The following NBEA variants were observed in gnomAD, a reference collection of about 807,000 sequenced individuals.
NBEA encodes lysosomal-trafficking regulator 2.
In NBEA, 44 loss-of-function variants were observed where a neutral mutation model predicts 343.4. That is an observed-to-expected ratio of 0.13 (90% CI 0.10 to 0.16). The LOEUF (loss-of-function observed/expected upper bound fraction) is 0.16, where lower values mean the gene tolerates loss of function less well. Ranked by LOEUF, NBEA falls within the 10% of genes least tolerant of loss-of-function variation. The pLI is 1.00. For synonymous variants in NBEA, 1,175 were observed against 1,238.7 expected, an observed-to-expected ratio of 0.95 and a Z score of 1.08; for missense variants, 2,555 against 3,631.3, an observed-to-expected ratio of 0.70 and a Z score of 7.62.
chr13:35,121,055 T>C (rs2066769185), intron 16 of NBEA, among the ~76,000 whole-genome samples: 1 of 152,188 alleles, frequency 6.6e-6, no homozygotes. Context: ...CTGTGAGAAC[T>C]TCCAGTTCTA....
chr13:35,080,460 C>T (rs544196394), intron 10 of NBEA, among the ~76,000 whole-genome samples: 2 of 152,234 alleles, frequency 1.3e-5, no homozygotes, highest in African/African-American at 2.4e-5. Context: ...TGAGCAAAAC[C>T]TCTGCCTTTA....
Position 35,333,338 on chromosome 13 carries a change from T to A in NBEA, c.5904-15770T>A, listed in dbSNP as rs569431906. On this transcript the variant is annotated intron_variant, in intron 36 of 58. Transcript: ENST00000379939. Reference sequence around the variant, plus strand: ...TAAAATACAAGTTGGAAAAAAGATGTTTATTGATGATTCATCAGATTAGAC... The same window carrying A: ...TAAAATACAAGTTGGAAAAAAGATGATTATTGATGATTCATCAGATTAGAC... Among the ~76,000 whole-genome samples the A allele has an allele frequency of 2.6e-5, 4 of 152,240 alleles. No individual in the cohort carries two copies. In the East Asian group the frequency reaches 7.7e-4, roughly 29 times the overall value.
chr13:35,377,817 T>G (rs1409558577), intron 38 of NBEA, among the ~76,000 whole-genome samples: 1 of 152,222 alleles, frequency 6.6e-6, no homozygotes, highest in Non-Finnish European at 1.5e-5. Context: ...CTGTTATCCC[T>G]GTCTCTCATT....
intron 30 of NBEA, among the ~76,000 whole-genome samples, chr13:35,192,290 T>C (rs935496706): frequency 4.6e-5 from 7 of 151,968 alleles, no homozygotes; most frequent in African/African-American, 1.7e-4. Context: ...TAAGTTGAAG[T>C]TTATGGTATC....
chr13:35,169,577 T>C (rs536717756), intron 25 of NBEA, among the ~76,000 whole-genome samples: 1 of 151,712 alleles, frequency 6.6e-6, no homozygotes, highest in Admixed American at 6.6e-5. Flanking sequence ...AACCATTAAA[T>C]AATGAATATA....
chr13:35,274,907 TATC>T lies in NBEA; in HGVS notation c.5777-15479_5777-15477del, dbSNP rs1178655202. On this transcript the variant is annotated intron_variant, in intron 34 of 58. Coordinates refer to ENST00000379939, the MANE Select transcript of NBEA (RefSeq NM_001385012.1). Reference sequence around the variant, plus strand: ...CATGCTCATGGACATGAAGAATCAATATCATGAAAATGGCCATACTGCCTAAGG... The same window carrying T: ...CATGCTCATGGACATGAAGAATCAATATGAAAATGGCCATACTGCCTAAGG... 2.0e-5 allele frequency among the ~76,000 whole-genome samples: 3 copies of T among 152,260 alleles called. No individual in the cohort carries two copies. The East Asian group carries it at 5.8e-4, about 29-fold the overall frequency.
chr13:35,428,913 G>C (rs1217507762), intron 38 of NBEA, among the ~76,000 whole-genome samples: 1 of 152,214 alleles, frequency 6.6e-6, no homozygotes, highest in East Asian at 1.9e-4. Flanking sequence ...GATGGTGGTA[G>C]AAATCTAAGT....
At chr13:35,420,473 G>C (rs1037939014) in intron 38 of NBEA, among the ~76,000 whole-genome samples, 1 of 151,836 alleles carries the variant, frequency 6.6e-6, no homozygotes, top group East Asian at 1.9e-4. Context: ...TTGGTCTGTA[G>C]TTTTCTTTTT....
intron 41 of NBEA, among the ~76,000 whole-genome samples, chr13:35,525,272 C>T (rs576955316): frequency 6.6e-6 from 1 of 152,230 alleles, no homozygotes; most frequent in East Asian, 1.9e-4. Flanking sequence ...AAATTTGAGG[C>T]CAGGTGCGGT....
rs187700209 is a variant in NBEA, at chr13:34,953,331, T to A, written c.294+10217T>A. Among the ~76,000 whole-genome samples the A allele has an allele frequency of 2.7e-5, 4 of 150,854 alleles. No homozygotes were observed. In the East Asian group the frequency reaches 7.7e-4, roughly 29 times the overall value. On this transcript the variant is annotated intron_variant, in intron 1 of 58. Transcript: ENST00000379939. Reference sequence around the variant, plus strand: ...TGATCCCCCTTTCAAAGTCCTTGACTTTAAATGAAGTATTTAAATTTTTTT... The same window carrying A: ...TGATCCCCCTTTCAAAGTCCTTGACATTAAATGAAGTATTTAAATTTTTTT...
At chr13:35,140,166 A>G (rs542623661) in intron 17 of NBEA, among the ~76,000 whole-genome samples, 50 of 150,646 alleles carry the variant, frequency 3.3e-4, no homozygotes, top group African/African-American at 1.2e-3. Flanking sequence ...GCCTGCCACT[A>G]TGCCCAGCTA....
At chr13:35,124,681 C>CATGTATGGATATATATACACACATAT (rs1566324277) in intron 17 of NBEA, among the ~76,000 whole-genome samples, 3 of 150,310 alleles carry the variant, frequency 2.0e-5, no homozygotes, top group Admixed American at 6.6e-5. Context: ...TATATATACA[C>CATGTATGGATATATATACACACATAT]ATGTATGGAT....
At chr13:35,487,927 T>C (rs1053062767) in intron 41 of NBEA, among the ~76,000 whole-genome samples, 1 of 151,854 alleles carries the variant, frequency 6.6e-6, no homozygotes, top group African/African-American at 2.4e-5. Flanking sequence ...AATGGATTGG[T>C]ACATGTAAAG....
chr13:35,192,773 G>A (rs1168002097), intron 30 of NBEA, among the ~76,000 whole-genome samples: 2 of 151,890 alleles, frequency 1.3e-5, no homozygotes, highest in Non-Finnish European at 2.9e-5. Context: ...TTTTGATGTG[G>A]TAGCTTGTGA....
intron 38 of NBEA, among the ~76,000 whole-genome samples, chr13:35,402,950 T>C (rs2043066826): frequency 6.6e-6 from 1 of 152,076 alleles, no homozygotes; most frequent in East Asian, 1.9e-4. Flanking sequence ...TAAAAAGTGA[T>C]GCTTTTAGTT....
At chr13:35,609,359 G>C (rs1416022052) in intron 48 of NBEA, among the ~76,000 whole-genome samples, 2 of 152,228 alleles carry the variant, frequency 1.3e-5, no homozygotes, top group East Asian at 1.9e-4. Flanking sequence ...ATTCCATTCA[G>C]TGTACAGATA....
At chr13:35,594,980 CACACACACACAA>C (rs1168137457) in intron 47 of NBEA, among the ~76,000 whole-genome samples, 20 of 151,346 alleles carry the variant, frequency 1.3e-4, no homozygotes, top group African/African-American at 2.9e-4. Flanking sequence ...CACACACACA[CACACACACACAA>C]ATTGGCTTTT....
chr13:35,371,313 T>C (rs555049042), intron 38 of NBEA, among the ~76,000 whole-genome samples: 180 of 152,140 alleles, frequency 1.2e-3, no homozygotes, highest in Non-Finnish European at 7.9e-4. Flanking sequence ...ATATTCTTTT[T>C]TCTTTATTAT....
In NBEA at chr13:35,009,987, C is replaced by T. The variant is rs796469770; in HGVS notation, c.295-30946C>T. 3.9e-5 allele frequency among the ~76,000 whole-genome samples: 6 copies of T among 152,072 alleles called. No individual in the cohort carries two copies. In the East Asian group the frequency reaches 7.7e-4, roughly 20 times the overall value. On this transcript the variant is annotated intron_variant, in intron 1 of 58. Coordinates refer to ENST00000379939, the MANE Select transcript of NBEA (RefSeq NM_001385012.1). ...TGCCATTGAGTGAAACTAGAAAGCTCGCTAGAGGATCTAATTTGCAGGTGG... is the reference window on the plus strand; with the variant it reads ...TGCCATTGAGTGAAACTAGAAAGCTTGCTAGAGGATCTAATTTGCAGGTGG...
Sources: gnomAD v4.1 joint callset for allele counts (sites outside exome capture counted in the v4.1 genomes callset) on GRCh38, gnomAD v4.1.1 for gene constraint, MANE v1.5 for transcripts, NCBI Gene and HGNC (gene_info 2026-07-23, HGNC 2026-07-21) for gene names.